The following CMTM7 variants were observed in gnomAD, a reference collection of about 807,000 sequenced individuals.
CMTM7 encodes the protein CKLF like MARVEL transmembrane domain containing 7.
Under a neutral mutation model 19.3 loss-of-function variants are expected in CMTM7, and 7 were observed. That is an observed-to-expected ratio of 0.36 (90% CI 0.21 to 0.68). The LOEUF (loss-of-function observed/expected upper bound fraction) is 0.68, where lower values mean the gene tolerates loss of function less well. CMTM7 is among the 30% of genes least tolerant of loss of function. The pLI is 0.60. For missense variants in CMTM7, 193 were observed against 232.6 expected, an observed-to-expected ratio of 0.83 and a Z score of 1.11; for synonymous variants, 87 against 99.3, an observed-to-expected ratio of 0.88 and a Z score of 0.74.
chr3:32,409,908 G>C (rs1335572822), intron 1 of CMTM7, among the ~76,000 whole-genome samples: 1 of 152,250 alleles, frequency 6.6e-6, no homozygotes, highest in Non-Finnish European at 1.5e-5. Flanking sequence ...CCTTAGCTCA[G>C]ATGTCACCTC....
chr3:32,440,258 T>G (rs189067253), intron 1 of CMTM7, among the ~76,000 whole-genome samples: 1 of 151,404 alleles, frequency 6.6e-6, no homozygotes, highest in Admixed American at 6.6e-5. Flanking sequence ...AATGCAAAAA[T>G]TAGCTGGGCA....
chr3:32,446,017 A>G (rs1227517079), intron 2 of CMTM7, among the ~76,000 whole-genome samples: 1 of 152,210 alleles, frequency 6.6e-6, no homozygotes, highest in Non-Finnish European at 1.5e-5. Context: ...TCAAGTTAAT[A>G]CTGGCCTCAC....
At chr3:32,422,642 C>G (rs1269655416) in intron 1 of CMTM7, among the ~76,000 whole-genome samples, 1 of 152,192 alleles carries the variant, frequency 6.6e-6, no homozygotes, top group Non-Finnish European at 1.5e-5. Flanking sequence ...CAGGAAAATT[C>G]TGAAAACAGA....
chr3:32,436,295 G>T (rs1696597071), intron 1 of CMTM7, among the ~76,000 whole-genome samples: 1 of 152,138 alleles, frequency 6.6e-6, no homozygotes, highest in Non-Finnish European at 1.5e-5. Context: ...TCAGCCAGTG[G>T]GTGTCAATGA....
At chr3:32,427,135 A>C (rs1216121355) in intron 1 of CMTM7, among the ~76,000 whole-genome samples, 1 of 152,232 alleles carries the variant, frequency 6.6e-6, no homozygotes, top group Non-Finnish European at 1.5e-5. Flanking sequence ...CTGGGTTTAC[A>C]CAGAAATGAA....
At chr3:32,439,149 A>G (rs139816822) in intron 1 of CMTM7, among the ~76,000 whole-genome samples, 40 of 152,354 alleles carry the variant, frequency 2.6e-4, no homozygotes, top group African/African-American at 8.2e-4. Flanking sequence ...GTGAATCATT[A>G]TATCACCATG....
chr3:32,444,381 T>A (rs1259317878), intron 2 of CMTM7, among the ~76,000 whole-genome samples: 2 of 152,248 alleles, frequency 1.3e-5, no homozygotes, highest in African/African-American at 2.4e-5. Flanking sequence ...TACATGGATT[T>A]AGTTCTGGAC....
rs1016806453 is a variant in CMTM7 at position 32,429,941 on chromosome 3, C to G, written c.160-11899C>G. Among the ~76,000 whole-genome samples, 8 of 152,164 alleles carry G rather than the reference C, an allele frequency of 5.3e-5. No individual in the cohort carries two copies. In the East Asian group the frequency reaches 1.5e-3, roughly 29 times the overall value. ...AAAAATGTTTTATGGAAAATTTCAG[C>G]TATGCACAAAAGTAGAGAGAATAGC... On this transcript the variant is annotated intron_variant, in intron 1 of 4. Coordinates refer to ENST00000334983, the MANE Select transcript of CMTM7 (RefSeq NM_138410.4).
chr3:32,393,850 A>C (rs1227922102), intron 1 of CMTM7, among the ~76,000 whole-genome samples: 2 of 151,970 alleles, frequency 1.3e-5, no homozygotes, highest in African/African-American at 4.8e-5. Flanking sequence ...ATTTTGATGA[A>C]TAAAGATACT....
At chr3:32,454,139 AG>A (rs1696874923) in intron 4 of CMTM7, 101 bp from the exon 5 acceptor site, 1 of 1,243,912 alleles carries the variant, frequency 8.0e-7, no homozygotes, top group African/African-American at 1.5e-5. Flanking sequence ...TGGAGGACAC[AG>A]GTGCCCCCCT....
At position 32,454,720 on chromosome 3, in the gene CMTM7, G is replaced by C; in HGVS notation, c.*466G>C. The C allele has an allele frequency of 3.0e-6, 1 of 335,438 alleles. No homozygotes were observed. The highest frequency in any genetic ancestry group is 5.9e-6 in the Non-Finnish European group (1 of 168,652). 20.8% of individuals were successfully genotyped at this position (335,438 alleles called of 1,614,324 possible). A position where few individuals can be genotyped will look rare whatever the true frequency, so the allele number is the denominator to read the frequency against. ...CTCTTTCCTGAAGTGAGGCGTGCCT[G>C]TAGAAACACTATGTGGTCAGCCTGT... On this transcript the variant is annotated 3_prime_UTR_variant, in exon 5 of 5. Transcript: ENST00000334983.
chr3:32,452,259 G>A, intron 3 of CMTM7, 133 bp from the exon 4 acceptor site: 1 of 1,567,992 alleles, frequency 6.4e-7, no homozygotes, highest in Non-Finnish European at 8.6e-7. Context: ...AGGTGGTTGG[G>A]TTAGATGACT....
At chr3:32,418,091 G>A (rs1696293464) in intron 1 of CMTM7, among the ~76,000 whole-genome samples, 1 of 152,062 alleles carries the variant, frequency 6.6e-6, no homozygotes, top group South Asian at 2.1e-4. Flanking sequence ...CAAAGTGCTG[G>A]GATTACAGTT....
chr3:32,403,283 C>T (rs1696037085), intron 1 of CMTM7, among the ~76,000 whole-genome samples: 1 of 152,170 alleles, frequency 6.6e-6, no homozygotes, highest in East Asian at 1.9e-4. Context: ...GGTGCTATCT[C>T]TGCTCACTGC....
intron 1 of CMTM7, among the ~76,000 whole-genome samples, chr3:32,424,725 G>A (rs1696402632): frequency 6.6e-6 from 1 of 151,564 alleles, no homozygotes; most frequent in Admixed American, 6.6e-5. Flanking sequence ...GCTCACTGCA[G>A]TCTCAACCTC....
At chr3:32,424,156 C>G (rs1420172271) in intron 1 of CMTM7, among the ~76,000 whole-genome samples, 1 of 152,196 alleles carries the variant, frequency 6.6e-6, no homozygotes, top group Non-Finnish European at 1.5e-5. Flanking sequence ...CCAGAGTCAT[C>G]TGAAGGCTTA....
At position 32,441,975 on chromosome 3, in the gene CMTM7, T is replaced by G. The variant is rs760421593; in HGVS notation, c.295T>G (p.Phe99Val). The G allele has an allele frequency of 1.2e-6, 2 of 1,614,078 alleles. No homozygotes were observed. Among genetic ancestry groups the G allele is most frequent in the African/African-American group, 2.7e-5 (2 of 74,922 alleles). The change falls in exon 2 of 5, where the codon TTC becomes GTC. Residue 99 changes from phenylalanine to valine, a missense_variant. By Grantham distance (50) the Phe-to-Val change is conservative. Transcript: ENST00000334983. ...LAFYLVHLFR[F>V]YRVLTCISWP... The stretch of plus-strand genomic sequence containing the variant: ...CTTTTACCTGGTCCACCTCTTCCGC[T>G]TCTACCGCGTGCTCACCTGTATCAG...
chr3:32,391,927 C>T lies in CMTM7; in HGVS notation c.21C>T (p.Leu7=), dbSNP rs1695840319. The T allele has an allele frequency of 8.2e-7, 1 of 1,226,816 alleles. No individual in the cohort carries two copies. The highest frequency in any genetic ancestry group is 1.0e-6 in the Non-Finnish European group (1 of 984,584). The allele number at this position is 1,226,816 out of a possible 1,614,324, so 76.0% of individuals were successfully genotyped here. ...GCGCAATGTCGCACGGAGCCGGGCT[C>T]GTCCGCACCACGTGCAGCAGCGGCA... MSHGAG[L]VRTTCSSGSA... Residue 7 remains leucine (L), a synonymous_variant, in exon 1 of 5, where the codon CTC becomes CTT. Coordinates refer to ENST00000334983, the MANE Select transcript of CMTM7 (RefSeq NM_138410.4).
intron 1 of CMTM7, among the ~76,000 whole-genome samples, chr3:32,439,004 T>A (rs1696639199): frequency 1.3e-5 from 2 of 152,238 alleles, no homozygotes; most frequent in South Asian, 4.1e-4. Context: ...TGAATAATGA[T>A]ACTTGAGTTC....
Sources: gnomAD v4.1 joint callset for allele counts (sites outside exome capture counted in the v4.1 genomes callset) on GRCh38, gnomAD v4.1.1 for gene constraint, MANE v1.5 for transcripts, NCBI Gene and HGNC (gene_info 2026-07-23, HGNC 2026-07-21) for gene names.